The following ENTREP2 variants were observed in gnomAD, a reference collection of about 807,000 sequenced individuals.
ENTREP2 encodes the protein protein ENTREP2.
At chr15:29,555,515 A>G in the ENTREP2 span, among the ~76,000 whole-genome samples, 1 of 152,196 alleles carries the variant, frequency 6.6e-6, no homozygotes, top group African/African-American at 2.4e-5. Context: ...TTTTCATTCT[A>G]TTGTAATTAT....
the ENTREP2 span, among the ~76,000 whole-genome samples, chr15:29,231,490 G>A: frequency 6.6e-6 from 1 of 152,114 alleles, no homozygotes; most frequent in Admixed American, 6.5e-5. Flanking sequence ...AACTTAAATT[G>A]AATATAATAT....
At chr15:29,656,352 A>C in the ENTREP2 span, among the ~76,000 whole-genome samples, 6,920 of 151,984 alleles carry the variant, frequency 0.046, 183 homozygotes, top group South Asian at 0.065. Flanking sequence ...CAGCCTCCCG[A>C]GTAGCTGGGA....
the ENTREP2 span, among the ~76,000 whole-genome samples, chr15:29,308,399 G>A: frequency 1.1e-4 from 16 of 152,256 alleles, no homozygotes; most frequent in African/African-American, 3.9e-4. Flanking sequence ...AAAGCGTGGT[G>A]ACTTGTTTTA....
the ENTREP2 span, among the ~76,000 whole-genome samples, chr15:29,650,181 A>G: frequency 1.3e-5 from 2 of 152,172 alleles, no homozygotes; most frequent in African/African-American, 4.8e-5. Flanking sequence ...TAAACTTAAA[A>G]AAAAAAAAAG....
the ENTREP2 span, among the ~76,000 whole-genome samples, chr15:29,395,426 ACCT>A: frequency 2.5e-3 from 375 of 152,002 alleles, 1 homozygote; most frequent in African/African-American, 8.7e-3. Flanking sequence ...AACAGTATAA[ACCT>A]CCTCAATAAT....
chr15:29,501,367 C>T, the ENTREP2 span, among the ~76,000 whole-genome samples: 2 of 151,814 alleles, frequency 1.3e-5, no homozygotes, highest in African/African-American at 2.4e-5. Flanking sequence ...GAGGTTGGTC[C>T]AACATATAAA....
At chr15:29,147,033 AAAC>A in the ENTREP2 span, among the ~76,000 whole-genome samples, 2 of 152,228 alleles carry the variant, frequency 1.3e-5, no homozygotes, top group South Asian at 4.1e-4. Flanking sequence ...CCAGAAGCAC[AAAC>A]AACTAAAGAA....
chr15:29,212,923 G>A, the ENTREP2 span, among the ~76,000 whole-genome samples: 2 of 152,136 alleles, frequency 1.3e-5, no homozygotes, highest in African/African-American at 4.8e-5. Flanking sequence ...TATGGTTTTA[G>A]GTCTAACATT....
chr15:29,453,003 T>C, the ENTREP2 span, among the ~76,000 whole-genome samples: 791 of 152,246 alleles, frequency 5.2e-3, 8 homozygotes, highest in East Asian at 0.026. Context: ...CAGAGCCAAG[T>C]AACGAGCAAA....
chr15:29,495,878 C>T, the ENTREP2 span, among the ~76,000 whole-genome samples: 19 of 151,980 alleles, frequency 1.3e-4, no homozygotes, highest in Admixed American at 2.0e-4. Flanking sequence ...TTAAAAATTG[C>T]TTGGGCTATT....
chr15:29,199,804 T>A, the ENTREP2 span, among the ~76,000 whole-genome samples: 1 of 152,232 alleles, frequency 6.6e-6, no homozygotes, highest in East Asian at 1.9e-4. Flanking sequence ...GAACTCTGCC[T>A]AGCCCTAGAT....
chr15:29,617,819 C>A, the ENTREP2 span, among the ~76,000 whole-genome samples: 1 of 152,186 alleles, frequency 6.6e-6, no homozygotes, highest in East Asian at 1.9e-4. Flanking sequence ...GACGGGGATG[C>A]CCGCTGAGCC....
the ENTREP2 span, among the ~76,000 whole-genome samples, chr15:29,405,292 G>C: frequency 2.0e-5 from 3 of 152,024 alleles, no homozygotes; most frequent in African/African-American, 7.2e-5. Flanking sequence ...AGGAGGCTGA[G>C]GCAGGTGAAT....
the ENTREP2 span, among the ~76,000 whole-genome samples, chr15:29,362,452 G>C: frequency 7.4e-6 from 1 of 134,918 alleles, no homozygotes; most frequent in Non-Finnish European, 1.5e-5. Context: ...TCGGCTCACT[G>C]CAACTTCCGC....
chr15:29,135,686 G>A, the ENTREP2 span, among the ~76,000 whole-genome samples: 2 of 152,148 alleles, frequency 1.3e-5, no homozygotes, highest in Non-Finnish European at 2.9e-5. The surrounding 1 kb of genome is among the most constrained non-coding windows in gnomAD (Gnocchi z 7.4). Flanking sequence ...GGAAACTGAG[G>A]CTCCACGAAC....
chr15:29,391,514 A>G, the ENTREP2 span, among the ~76,000 whole-genome samples: 1 of 152,284 alleles, frequency 6.6e-6, no homozygotes, highest in African/African-American at 2.4e-5. Flanking sequence ...AAAATATTCT[A>G]AATAACTCAT....
chr15:29,138,033 C>G, the ENTREP2 span, among the ~76,000 whole-genome samples: 759 of 152,126 alleles, frequency 5.0e-3, 16 homozygotes, highest in East Asian at 0.054. Flanking sequence ...AAGGGCTGTG[C>G]TGAAGTACTT....
At chr15:29,490,435 G>A in the ENTREP2 span, among the ~76,000 whole-genome samples, 1 of 152,182 alleles carries the variant, frequency 6.6e-6, no homozygotes, top group African/African-American at 2.4e-5. Context: ...CCGGCAGCCT[G>A]CTTTTATTCC....
the ENTREP2 span, among the ~76,000 whole-genome samples, chr15:29,273,308 C>G: frequency 6.6e-6 from 1 of 151,372 alleles, no homozygotes; most frequent in East Asian, 1.9e-4. Context: ...AAGAGATCCT[C>G]ACATCTCAGC....
Sources: allele counts gnomAD v4.1 joint callset (sites outside exome capture counted in the v4.1 genomes callset), GRCh38; gene constraint gnomAD v4.1.1; non-coding constraint Gnocchi (gnomAD v3.1); transcripts MANE v1.5; gene names NCBI Gene and HGNC (gene_info 2026-07-23, HGNC 2026-07-21).